Variants in TBX5 observed in about 807,000 individuals in gnomAD.
TBX5 encodes the protein T-box transcription factor 5, also known as T-box transcription factor TBX5.
In TBX5, 8 loss-of-function variants were observed where a neutral mutation model predicts 51.1. The observed-to-expected ratio is 0.16, with a 90% confidence interval of 0.09 to 0.28. TBX5 has a LOEUF of 0.28. Ranked by LOEUF, TBX5 falls within the 10% of genes least tolerant of loss-of-function variation. TBX5 has a pLI of 1.00. For synonymous variants in TBX5, 302 were observed against 266.4 expected, an observed-to-expected ratio of 1.13 and a Z score of -1.30; for missense variants, 589 against 671.7, an observed-to-expected ratio of 0.88 and a Z score of 1.36.
Position 114,405,959 on chromosome 12 carries a change from G to A in TBX5, c.-370C>T. 3.0e-6 allele frequency: 3 copies of A among 985,432 alleles called. No individual in the cohort carries two copies. Among genetic ancestry groups the A allele is most frequent in the Non-Finnish European group, 3.6e-6 (3 of 829,958 alleles). The allele number at this position is 985,432 out of a possible 1,614,324, so 61.0% of individuals were successfully genotyped here. On this transcript the variant is annotated 5_prime_UTR_variant, in exon 1 of 9. Coordinates refer to ENST00000405440, the MANE Select transcript of TBX5 (RefSeq NM_181486.4). ...CGCTCCTCCTTTACACCCCCAGGGA[G>A]GGAAAGTTGGAAGCCCAGTGAATGG...
At chr12:114,372,995 C>T (rs1440444747) in intron 7 of TBX5, among the ~76,000 whole-genome samples, 1 of 150,194 alleles carries the variant, frequency 6.7e-6, no homozygotes, top group East Asian at 1.9e-4. Flanking sequence ...CACACACACA[C>T]ACACACACAC....
chr12:114,357,461 C>T (rs545924010), intron 8 of TBX5, among the ~76,000 whole-genome samples: 1 of 152,350 alleles, frequency 6.6e-6, no homozygotes, highest in South Asian at 2.1e-4. Flanking sequence ...GGCTCCTTTA[C>T]TTAATATCTG....
intron 7 of TBX5, among the ~76,000 whole-genome samples, chr12:114,376,966 T>C (rs555594149): frequency 4.6e-5 from 7 of 152,206 alleles, no homozygotes; most frequent in Admixed American, 3.3e-4. Context: ...TGAGCATCCA[T>C]GCCTTGACAA....
intron 3 of TBX5, among the ~76,000 whole-genome samples, chr12:114,400,806 G>A (rs375904595): frequency 6.6e-6 from 1 of 152,228 alleles, no homozygotes; most frequent in African/African-American, 2.4e-5. Flanking sequence ...TCAGGCCTTG[G>A]GCCGAGCGGG....
At chr12:114,403,037 C>A (rs902896912) in intron 2 of TBX5, among the ~76,000 whole-genome samples, 4 of 152,258 alleles carry the variant, frequency 2.6e-5, no homozygotes, top group African/African-American at 9.6e-5. Flanking sequence ...TTACCAGGAT[C>A]TACTGAGGGG....
chr12:114,388,861 G>C (rs1870984499), intron 6 of TBX5, among the ~76,000 whole-genome samples: 1 of 151,388 alleles, frequency 6.6e-6, no homozygotes, highest in South Asian at 2.1e-4. Flanking sequence ...TTAGGATTAA[G>C]GTGTGAGCCA....
chr12:114,370,821 G>A (rs1184719069), intron 7 of TBX5, among the ~76,000 whole-genome samples: 1 of 151,838 alleles, frequency 6.6e-6, no homozygotes, highest in Admixed American at 6.6e-5. Context: ...GGAATAGGTA[G>A]TGTTTGGTTA....
chr12:114,375,831 C>T (rs1221890863), intron 7 of TBX5, among the ~76,000 whole-genome samples: 1 of 152,096 alleles, frequency 6.6e-6, no homozygotes, highest in East Asian at 1.9e-4. Flanking sequence ...ATCACTTGAG[C>T]TCAGGAGTTC....
intron 5 of TBX5, among the ~76,000 whole-genome samples, chr12:114,396,232 G>T (rs1871418325): frequency 6.6e-6 from 1 of 151,808 alleles, no homozygotes; most frequent in Non-Finnish European, 1.5e-5. Flanking sequence ...TCCGGCCGCC[G>T]TGGCCCGGCC....
intron 5 of TBX5, among the ~76,000 whole-genome samples, chr12:114,395,935 C>T (rs1342736855): frequency 6.6e-6 from 1 of 152,146 alleles, no homozygotes; most frequent in African/African-American, 2.4e-5. Context: ...TCTGATGACG[C>T]TAGTATTTAC....
At chr12:114,407,694 T>G, upstream of TBX5, 3 of 894,020 alleles carry the variant, frequency 3.4e-6, no homozygotes, top group Non-Finnish European at 4.0e-6. Context: ...ATTTCGTTCA[T>G]GAGAAGTAGC....
At chr12:114,395,713 G>A (rs2136412184) in intron 5 of TBX5, among the ~76,000 whole-genome samples, 1 of 152,258 alleles carries the variant, frequency 6.6e-6, no homozygotes, top group East Asian at 1.9e-4. Flanking sequence ...GCTTTTTCGG[G>A]AATATTCTCT....
intron 8 of TBX5, among the ~76,000 whole-genome samples, chr12:114,362,203 C>G (rs1034985880): frequency 6.6e-6 from 1 of 152,172 alleles, no homozygotes; most frequent in Non-Finnish European, 1.5e-5. Flanking sequence ...GTCTCTGGTG[C>G]CAACTAAATA....
chr12:114,389,029 A>G (rs1401123596), intron 6 of TBX5, among the ~76,000 whole-genome samples: 1 of 151,952 alleles, frequency 6.6e-6, no homozygotes, highest in Admixed American at 6.5e-5. Context: ...CTCAGGTTCA[A>G]GTGACTCTCC....
Position 114,401,914 on chromosome 12 carries a change from C to G in TBX5, c.154G>C (p.Glu52Gln), listed in dbSNP as rs1208004863. ...TCATGGAGAAACACTTTGATTCCCTCCATGCCCTGCAAGAAGGAGAAAAAA... is the reference window on the plus strand; with the variant it reads ...TCATGGAGAAACACTTTGATTCCCTGCATGCCCTGCAAGAAGGAGAAAAAA... ...PQAAFTQQGM[E>Q]GIKVFLHERE... is the part of the protein sequence containing the mutation. Residue 52 changes from glutamate to glutamine, a missense_variant, in exon 3 of 9, where the codon GAG becomes CAG. Around this residue, in one of 7 missense-constraint regions of TBX5, gnomAD observed 101 missense variants for 83.3 expected, o/e 1.21. Transcript: ENST00000405440. 1 of 1,614,168 alleles carries G rather than the reference C, an allele frequency of 6.2e-7. No homozygotes were observed. Among genetic ancestry groups the G allele is most frequent in the Non-Finnish European group, 8.5e-7 (1 of 1,180,014 alleles).
intron 7 of TBX5, among the ~76,000 whole-genome samples, chr12:114,384,495 A>G (rs1027209399): frequency 6.6e-5 from 10 of 152,146 alleles, no homozygotes; most frequent in African/African-American, 1.9e-4. Flanking sequence ...ATCTAAAAAC[A>G]ATTTTTCCAT....
At chr12:114,401,064 C>T (rs1010259947) in intron 3 of TBX5, among the ~76,000 whole-genome samples, 2 of 152,078 alleles carry the variant, frequency 1.3e-5, no homozygotes, top group East Asian at 3.9e-4. Flanking sequence ...GCCAGGACGT[C>T]CCCAGGCCTG....
chr12:114,355,204 C>T lies in TBX5; in HGVS notation c.*328G>A. ...CTCAATGAGGCAAGACTTTCTAGAG[C>T]CCAAAAGAAGGAATGGGGGAAGAGA... On this transcript the variant is annotated 3_prime_UTR_variant, in exon 9 of 9. Coordinates refer to ENST00000405440, the MANE Select transcript of TBX5 (RefSeq NM_181486.4). The T allele has an allele frequency of 2.5e-6, 1 of 406,140 alleles. No homozygotes were observed. Among genetic ancestry groups the T allele is most frequent in the Non-Finnish European group, 4.7e-6 (1 of 214,556 alleles). The allele number at this position is 406,140 out of a possible 1,614,324, so 25.2% of individuals were successfully genotyped here.
chr12:114,369,983 G>A lies in TBX5; in HGVS notation c.756-3592C>T, dbSNP rs536143516. 7.0e-4 allele frequency among the ~76,000 whole-genome samples: 107 copies of A among 152,136 alleles called. 1 individual carries two copies. Among genetic ancestry groups the A allele is most frequent in the Admixed American group, 5.3e-3 (81 of 15,280 alleles). ...AAGAAAATGCAGATGGGCCAGGCACGGTGGCTCACACCTGTAATTCCAGCA... is the reference window on the plus strand; with the variant it reads ...AAGAAAATGCAGATGGGCCAGGCACAGTGGCTCACACCTGTAATTCCAGCA... On this transcript the variant is annotated intron_variant, in intron 7 of 8. Transcript: ENST00000405440.
Sources: allele counts gnomAD v4.1 joint callset (sites outside exome capture counted in the v4.1 genomes callset), GRCh38; gene constraint gnomAD v4.1.1; regional missense constraint gnomAD v4.1.1; transcripts MANE v1.5; gene names NCBI Gene and HGNC (gene_info 2026-07-23, HGNC 2026-07-21).